Variants in IL4R observed in about 807,000 individuals in gnomAD.
IL4R encodes interleukin-4 receptor subunit alpha.
In IL4R, 17 loss-of-function variants were observed where a neutral mutation model predicts 41.5. That is an observed-to-expected ratio of 0.41 (90% CI 0.28 to 0.61). The LOEUF (loss-of-function observed/expected upper bound fraction) is 0.61, where lower values mean the gene tolerates loss of function less well. IL4R is among the 20% of genes least tolerant of loss of function. The probability of loss-of-function intolerance (pLI) is 0.31; values close to 1 mark genes in which losing one functional copy is unlikely to be tolerated. For synonymous variants in IL4R, 402 were observed against 422.9 expected (o/e 0.95, Z 0.61); for missense variants, 974 against 1,043.1 (o/e 0.93, Z 0.91).
chr16:27,331,055 C>T (rs1000100850), intron 2 of IL4R, among the ~76,000 whole-genome samples: 1 of 152,006 alleles, frequency 6.6e-6, no homozygotes, highest in Non-Finnish European at 1.5e-5. Flanking sequence ...CACATCCCCC[C>T]AGACTTCTCA....
At position 27,362,674 on chromosome 16, in the gene IL4R, C is replaced by T. The variant is rs773926349; in HGVS notation, c.1322C>T (p.Ala441Val). 4.0e-5 allele frequency: 65 copies of T among 1,614,032 alleles called. 1 individual carries two copies. In the South Asian group the frequency reaches 7.1e-4, roughly 18 times the overall value. Residue 441 changes from alanine to valine, a missense_variant, in exon 11 of 11, where the codon GCT becomes GTT. Physicochemically the swap from Ala to Val is moderately conservative, Grantham distance 64. Around this residue, in one of 3 missense-constraint regions of IL4R, gnomAD observed 682 missense variants for 704.3 expected, o/e 0.97. Coordinates refer to ENST00000395762, the MANE Select transcript of IL4R (RefSeq NM_000418.4). Reference sequence around the variant, plus strand: ...CTTCCACCTTCGGGAAGTACGAGTGCTCACATGCCCTGGGATGAGTTCCCA... The same window carrying T: ...CTTCCACCTTCGGGAAGTACGAGTGTTCACATGCCCTGGGATGAGTTCCCA... ...CLLPPSGSTS[A>V]HMPWDEFPSA...
chr16:27,361,122 G>A (rs573905907), intron 10 of IL4R: 251 of 1,034,436 alleles, frequency 2.4e-4, no homozygotes, highest in Non-Finnish European at 2.8e-4. Flanking sequence ...TCGGCAAATA[G>A]CCACTATCCT....
At position 27,363,869 on chromosome 16, in the gene IL4R, T is replaced by G; in HGVS notation, c.*39T>G. Reference sequence around the variant, plus strand: ...TGTTGCTGAGTCTGCAGATGAGGACTAGGGCTTATCCATGCCTGGGAAATG... The same window carrying G: ...TGTTGCTGAGTCTGCAGATGAGGACGAGGGCTTATCCATGCCTGGGAAATG... On this transcript the variant is annotated 3_prime_UTR_variant, in exon 11 of 11. Transcript: ENST00000395762. The G allele has an allele frequency of 6.4e-7, 1 of 1,563,636 alleles. No homozygotes were observed. Among genetic ancestry groups the G allele is most frequent in the Non-Finnish European group, 8.6e-7 (1 of 1,160,734 alleles).
intron 2 of IL4R, among the ~76,000 whole-genome samples, chr16:27,335,068 T>C (rs139453698): frequency 1.3e-5 from 2 of 152,198 alleles, no homozygotes; most frequent in East Asian, 3.9e-4. Flanking sequence ...AGTTCTTGTA[T>C]ATAGACTGGC....
At chr16:27,320,210 T>A (rs1244249647) in intron 1 of IL4R, among the ~76,000 whole-genome samples, 1 of 152,194 alleles carries the variant, frequency 6.6e-6, no homozygotes, top group Admixed American at 6.5e-5. Flanking sequence ...TGATGATCTG[T>A]CACTGTCTCC....
chr16:27,327,703 T>C (rs71388093), intron 1 of IL4R, among the ~76,000 whole-genome samples: 46,701 of 151,726 alleles, frequency 0.31, 7,374 homozygotes, highest in East Asian at 0.54. Context: ...GCCTAGGTTA[T>C]GGTTCTGTGA....
chr16:27,336,994 T>G (rs1016827281), intron 2 of IL4R, among the ~76,000 whole-genome samples: 1 of 152,016 alleles, frequency 6.6e-6, no homozygotes, highest in South Asian at 2.1e-4. Flanking sequence ...GGAGAATCGC[T>G]TGAACCTGGG....
chr16:27,327,835 C>T (rs1438717506), intron 1 of IL4R, among the ~76,000 whole-genome samples: 1 of 152,034 alleles, frequency 6.6e-6, no homozygotes, highest in Non-Finnish European at 1.5e-5. Flanking sequence ...ATTGTAAGTA[C>T]TTAGAACAGG....
intron 7 of IL4R, among the ~76,000 whole-genome samples, chr16:27,353,043 A>T (rs1327897313): frequency 6.6e-6 from 1 of 152,208 alleles, no homozygotes; most frequent in African/African-American, 2.4e-5. Flanking sequence ...CAGGACAAAG[A>T]TTCTTACCTA....
intron 2 of IL4R, among the ~76,000 whole-genome samples, chr16:27,339,613 G>T (rs949068211): frequency 1.3e-5 from 2 of 152,056 alleles, no homozygotes; most frequent in African/African-American, 4.8e-5. Flanking sequence ...TGTGTAGAGG[G>T]TTGTCCAAGG....
intron 1 of IL4R, 144 bp downstream of exon 1, chr16:27,314,164 C>T (rs918803853): frequency 2.1e-6 from 2 of 939,214 alleles, no homozygotes; most frequent in Non-Finnish European, 2.5e-6. Flanking sequence ...CCGCGACTCT[C>T]GGTGCGCGCG....
intron 3 of IL4R, among the ~76,000 whole-genome samples, chr16:27,340,766 AG>A (rs1567317925): frequency 6.6e-6 from 1 of 151,886 alleles, no homozygotes; most frequent in Non-Finnish European, 1.5e-5. Flanking sequence ...ACAGCATAAG[AG>A]GGGGTTGGGG....
intron 4 of IL4R, 32 bp from the exon 5 acceptor site, chr16:27,344,837 T>G (rs1596823280): frequency 1.2e-6 from 2 of 1,611,736 alleles, no homozygotes; most frequent in South Asian, 2.2e-5. Flanking sequence ...AGCCTACAGG[T>G]GACCAGCCTA....
At chr16:27,338,244 T>C (rs1383541179) in intron 2 of IL4R, among the ~76,000 whole-genome samples, 2 of 151,890 alleles carry the variant, frequency 1.3e-5, no homozygotes, top group Non-Finnish European at 2.9e-5. Context: ...CTTTTCTTTT[T>C]TTTTTATGAC....
intron 9 of IL4R, 102 bp downstream of exon 9, chr16:27,359,096 C>A: frequency 1.2e-6 from 1 of 844,162 alleles, no homozygotes. Context: ...TCTGGAATGG[C>A]AAATAGACAG....
chr16:27,352,402 C>A (rs904787541), intron 6 of IL4R, 138 bp from the exon 7 acceptor site: 13 of 664,702 alleles, frequency 2.0e-5, no homozygotes, highest in Non-Finnish European at 3.2e-5. Context: ...CAAGCAATGG[C>A]CTGAACAGGA....
intron 1 of IL4R, among the ~76,000 whole-genome samples, chr16:27,320,915 C>T: frequency 6.6e-6 from 1 of 151,770 alleles, no homozygotes; most frequent in South Asian, 2.1e-4. Context: ...AGAAAATCTT[C>T]CTGAGATTTA....
At chr16:27,344,754 C>A (rs565258570) in intron 4 of IL4R, 115 bp from the exon 5 acceptor site, 7 of 1,104,966 alleles carry the variant, frequency 6.3e-6, no homozygotes, top group Admixed American at 2.2e-5. Context: ...TCCTCACATC[C>A]GTGATCGGGA....
Position 27,360,753 on chromosome 16 carries a change from C to T in IL4R, c.850-13C>T, listed in dbSNP as rs965795870. The T allele has an allele frequency of 6.2e-7, 1 of 1,614,104 alleles. No individual in the cohort carries two copies. The highest frequency in any genetic ancestry group is 8.5e-7 in the Non-Finnish European group (1 of 1,180,038). On this transcript the variant is annotated splice_polypyrimidine_tract_variant and intron_variant, in intron 9 of 10. Transcript: ENST00000395762. ...GCCACTCTGCTCTTTCATTGGCTGT[C>T]TCTGTATTTTAGGGGTCACAGTGGG...
Sources: gnomAD v4.1 joint callset for allele counts (sites outside exome capture counted in the v4.1 genomes callset) on GRCh38, gnomAD v4.1.1 for gene constraint, gnomAD v4.1.1 regional missense constraint, MANE v1.5 for transcripts, NCBI Gene and HGNC (gene_info 2026-07-23, HGNC 2026-07-21) for gene names.